Variants in STX3 observed in about 807,000 individuals in gnomAD.
STX3 encodes the protein syntaxin 3.
A neutral mutation model predicts 40.2 loss-of-function variants in STX3; 19 were observed. The observed-to-expected ratio is 0.47, with a 90% CI of 0.33 to 0.69. STX3 has a LOEUF of 0.69. Among genes scored for constraint, STX3 ranks in the 30% least tolerant of loss-of-function variants. The pLI, the probability that STX3 is intolerant of heterozygous loss-of-function variation, is 0.02. For missense variants in STX3, 364 were observed against 366.7 expected, an observed-to-expected ratio of 0.99 and a Z score of 0.06; for synonymous variants, 122 against 132.2, an observed-to-expected ratio of 0.92 and a Z score of 0.53.
At chr11:59,792,074 T>G (rs1363869002) in intron 5 of STX3, 33 bp from the exon 6 acceptor site, 1 of 1,563,028 alleles carries the variant, frequency 6.4e-7, no homozygotes, top group Admixed American at 1.7e-5. Flanking sequence ...ACAGAACCAC[T>G]GGGGCCTGAC....
intron 1 of STX3, 89 bp from the exon 2 acceptor site, chr11:59,773,122 A>T (rs1466625182): frequency 3.2e-6 from 4 of 1,259,380 alleles, no homozygotes; most frequent in Non-Finnish European, 3.4e-6. Flanking sequence ...TAAAATGCTG[A>T]ATATAGTTCC....
chr11:59,774,771 C>T (rs1053978905), intron 2 of STX3, among the ~76,000 whole-genome samples: 1 of 152,154 alleles, frequency 6.6e-6, no homozygotes, highest in Admixed American at 6.5e-5. Context: ...GCGTAGGTTG[C>T]AGTGAGCCGA....
intron 9 of STX3, 129 bp from the exon 10 acceptor site, chr11:59,797,154 T>G (rs1349558695): frequency 3.0e-6 from 2 of 664,462 alleles, no homozygotes; most frequent in Non-Finnish European, 5.3e-6. Flanking sequence ...TATGTAGAGA[T>G]GTAGGCCTCT....
Position 59,803,341 on chromosome 11 carries a change from C to G in STX3, c.*2517C>G. 1.7e-6 allele frequency: 2 copies of G among 1,202,932 alleles called. No individual in the cohort carries two copies. Among genetic ancestry groups the G allele is most frequent in the South Asian group, 8.5e-5 (2 of 23,658 alleles). The allele number at this position is 1,202,932 out of a possible 1,614,324, so 74.5% of individuals were successfully genotyped here. Reference sequence around the variant, plus strand: ...GGAGGGTCAGACCTTCTTTCACTGACTTGAAACCTTTGTGTCTTGGGGGCA... The same window carrying G: ...GGAGGGTCAGACCTTCTTTCACTGAGTTGAAACCTTTGTGTCTTGGGGGCA... On this transcript the variant is annotated 3_prime_UTR_variant, in exon 11 of 11. Transcript: ENST00000337979.
At chr11:59,789,515 A>G (rs971403747) in intron 4 of STX3, among the ~76,000 whole-genome samples, 1 of 150,322 alleles carries the variant, frequency 6.7e-6, no homozygotes, top group Non-Finnish European at 1.5e-5. Context: ...ATTTTGGCTC[A>G]CTGCAATCTC....
Position 59,797,349 on chromosome 11 carries a change from T to C in STX3, c.853T>C (p.Ser285Pro), listed in dbSNP as rs34753750. The change falls in exon 10 of 11, where the codon TCC (serine) becomes CCC (proline). Residue 285 changes from serine (S) to proline (P), a missense_variant. Ser to Pro is a moderately conservative substitution (Grantham distance 74, BLOSUM62 -1). Coordinates refer to ENST00000337979, the MANE Select transcript of STX3 (RefSeq NM_004177.5). Reference sequence around the variant, plus strand: ...CATTTTAGCATTGATTATTGGACTTTCCGTTGGGCTGAATTAAGAGTGGCC... The same window carrying C: ...CATTTTAGCATTGATTATTGGACTTCCCGTTGGGCTGAATTAAGAGTGGCC... ...LGILALIIGL[S>P]VGLN 1.1e-3 allele frequency: 1,700 copies of C among 1,614,186 alleles called. 19 individuals are homozygous for C. In the African/African-American group the frequency reaches 0.019, roughly 18 times the overall value.
chr11:59,803,178 GTT>G lies in STX3; in HGVS notation c.*2356_*2357del. The G allele has an allele frequency of 8.1e-7, 1 of 1,231,592 alleles. No individual in the cohort carries two copies. The highest frequency in any genetic ancestry group is 3.2e-5 in the East Asian group (1 of 31,712). 76.3% of individuals were successfully genotyped at this position (1,231,592 alleles called of 1,614,324 possible). Reference sequence around the variant, plus strand: ...CCTGCAGAATACTTTTTGCGATGATGTTTCTCATGTATTCTTTCTTTCCTTGT... The same window carrying G: ...CCTGCAGAATACTTTTTGCGATGATGTCTCATGTATTCTTTCTTTCCTTGT... On this transcript the variant is annotated 3_prime_UTR_variant, in exon 11 of 11. Coordinates refer to ENST00000337979, the MANE Select transcript of STX3 (RefSeq NM_004177.5).
At chr11:59,784,669 A>G (rs1407366999) in intron 2 of STX3, among the ~76,000 whole-genome samples, 1 of 152,220 alleles carries the variant, frequency 6.6e-6, no homozygotes. Context: ...GAGCTTGTGC[A>G]GGGAAACTCC....
chr11:59,788,539 G>A (rs753196342), intron 3 of STX3, among the ~76,000 whole-genome samples: 2 of 152,158 alleles, frequency 1.3e-5, no homozygotes, highest in Non-Finnish European at 1.5e-5. Flanking sequence ...CTTCTCAACC[G>A]AAGCTCCCGT....
At chr11:59,773,059 A>C in intron 1 of STX3, 152 bp from the exon 2 acceptor site, 4 of 654,422 alleles carry the variant, frequency 6.1e-6, no homozygotes, top group Non-Finnish European at 7.9e-6. Context: ...ATGTTGAGAC[A>C]CCGGAATTTG....
At chr11:59,781,339 T>C in intron 2 of STX3, 1 of 1,588,818 alleles carries the variant, frequency 6.3e-7, no homozygotes, top group South Asian at 1.1e-5. Context: ...TAGATCCGAG[T>C]ACAGGTGACA....
At chr11:59,760,708 A>AG (rs113259535) in intron 1 of STX3, among the ~76,000 whole-genome samples, 16,655 of 152,224 alleles carry the variant, frequency 0.11, 1,266 homozygotes, top group African/African-American at 0.2. Flanking sequence ...TTTACAAGCA[A>AG]GGAATTGAGA....
chr11:59,775,026 T>C (rs149010478), intron 2 of STX3, among the ~76,000 whole-genome samples: 71 of 152,368 alleles, frequency 4.7e-4, no homozygotes, highest in Non-Finnish European at 9.3e-4. Context: ...AGTATCGTGC[T>C]CTTTTTGCAG....
At chr11:59,770,721 T>A (rs987310567) in intron 1 of STX3, among the ~76,000 whole-genome samples, 3 of 152,182 alleles carry the variant, frequency 2.0e-5, no homozygotes, top group African/African-American at 7.2e-5. Context: ...TATGCCTGGT[T>A]ACAGGGTGAG....
chr11:59,785,757 T>C (rs1310268215), intron 2 of STX3, among the ~76,000 whole-genome samples: 1 of 152,230 alleles, frequency 6.6e-6, no homozygotes, highest in African/African-American at 2.4e-5. Flanking sequence ...ATCTCAGATG[T>C]TAGGATCCTA....
intron 9 of STX3, chr11:59,795,798 GC>G: frequency 8.4e-7 from 1 of 1,189,888 alleles, no homozygotes; most frequent in Non-Finnish European, 1.2e-6. Flanking sequence ...GTGTTCTTGA[GC>G]CCATGCCTCC....
At chr11:59,778,347 A>G (rs796448777) in intron 2 of STX3, among the ~76,000 whole-genome samples, 2 of 152,182 alleles carry the variant, frequency 1.3e-5, no homozygotes, top group Admixed American at 6.5e-5. Context: ...CAGATCCTCC[A>G]ATCTGACTTC....
intron 2 of STX3, among the ~76,000 whole-genome samples, chr11:59,778,271 G>C (rs1399771461): frequency 1.3e-5 from 2 of 152,170 alleles, no homozygotes; most frequent in Non-Finnish European, 2.9e-5. Flanking sequence ...TGACAGCGTT[G>C]CAAGCATTAA....
chr11:59,792,736 G>T (rs1865270012), intron 6 of STX3, among the ~76,000 whole-genome samples: 1 of 152,142 alleles, frequency 6.6e-6, no homozygotes, highest in Admixed American at 6.5e-5. Context: ...GTGGCAGGTT[G>T]TCTAGGGTCT....
Sources: gnomAD v4.1 joint callset for allele counts (sites outside exome capture counted in the v4.1 genomes callset) on GRCh38, gnomAD v4.1.1 for gene constraint, MANE v1.5 for transcripts, NCBI Gene and HGNC (gene_info 2026-07-23, HGNC 2026-07-21) for gene names.